DNAH2: variants seen among roughly 807,000 people sequenced by gnomAD.
The protein encoded by DNAH2 is axonemal beta dynein heavy chain 2.
A neutral mutation model predicts 523.5 loss-of-function variants in DNAH2; 323 were observed. The observed-to-expected ratio is 0.62, with a 90% confidence interval of 0.56 to 0.68. The LOEUF is 0.68. DNAH2 is among the 30% of genes least tolerant of loss of function. DNAH2 has a pLI of 0.00. For missense variants in DNAH2, 4,907 were observed against 5,701.5 expected, an observed-to-expected ratio of 0.86 and a Z score of 4.49; for synonymous variants, 2,093 against 2,177.4, an observed-to-expected ratio of 0.96 and a Z score of 1.08.
In DNAH2 at chr17:7,764,114, C is replaced by A. The variant is rs780781270; in HGVS notation, c.3180-3C>A. 1.5e-5 allele frequency: 24 copies of A among 1,614,118 alleles called. No homozygotes were observed. The highest frequency in any genetic ancestry group is 1.7e-5 in the Non-Finnish European group (20 of 1,180,056). On this transcript the variant is annotated splice_polypyrimidine_tract_variant and splice_region_variant and intron_variant, in intron 19 of 85. Coordinates refer to ENST00000572933, the MANE Select transcript of DNAH2 (RefSeq NM_020877.5). Reference sequence around the variant, plus strand: ...CACTAGCACTCCCTTTGCCCGCCTTCAGAATCAGCCGCCCTCCGCAGACAC... The same window carrying A: ...CACTAGCACTCCCTTTGCCCGCCTTAAGAATCAGCCGCCCTCCGCAGACAC...
At position 7,786,229 on chromosome 17, in the gene DNAH2, T is replaced by C. The variant is rs1316593008; in HGVS notation, c.6235T>C (p.Ser2079Pro). Residue 2079 changes from serine to proline, a missense_variant, in exon 40 of 86, where the codon TCC becomes CCC. By Grantham distance (74) the Ser-to-Pro change is moderately conservative. Transcript: ENST00000572933. This position sits in a 1 kb window ranked among gnomAD's most constrained non-coding sequence, Gnocchi z 7.5. ...GTATGAAACCAAGAACTCCCGCCAC[T>C]CCACCATGATCGTGGGCTGCACGGG... ...QLYETKNSRHSTMIVGCTGSG... is the reference protein window; with the variant it reads ...QLYETKNSRHPTMIVGCTGSG... 6.2e-7 allele frequency: 1 copy of C among 1,614,048 alleles called. No individual in the cohort carries two copies. Among genetic ancestry groups the C allele is most frequent in the Non-Finnish European group, 8.5e-7 (1 of 1,180,016 alleles).
Position 7,786,833 on chromosome 17 carries a change from A to G in DNAH2, c.6467-64A>G. The G allele has an allele frequency of 6.2e-7, 1 of 1,610,270 alleles. No individual in the cohort carries two copies. Among genetic ancestry groups the G allele is most frequent in the Non-Finnish European group, 8.5e-7 (1 of 1,177,118 alleles). ...GGAGTGTAGGCTTGTGTCTCCGAGG[A>G]GCGTGAGCGGAGGGTGCAAGGTGAG... On this transcript the variant is annotated intron_variant, in intron 41 of 85. Transcript: ENST00000572933. The surrounding 1 kb of genome is among the most constrained non-coding windows in gnomAD (Gnocchi z 7.5).
At chr17:7,721,334 C>T (rs536803532) in intron 2 of DNAH2, among the ~76,000 whole-genome samples, 52 of 152,158 alleles carry the variant, frequency 3.4e-4, no homozygotes, top group Non-Finnish European at 6.5e-4. Context: ...CCACCACACC[C>T]GGCTAATTTT....
At chr17:7,802,349 G>T (rs2077245840) in intron 58 of DNAH2, among the ~76,000 whole-genome samples, 1 of 152,112 alleles carries the variant, frequency 6.6e-6, no homozygotes, top group Non-Finnish European at 1.5e-5. Context: ...CTTTCTACCT[G>T]TATGAGATAG....
At chr17:7,724,511 C>T (rs1172065745) in intron 3 of DNAH2, among the ~76,000 whole-genome samples, 3 of 151,906 alleles carry the variant, frequency 2.0e-5, no homozygotes, top group Non-Finnish European at 4.4e-5. Context: ...CCCAGCTACT[C>T]GCCAGGCTGA....
At chr17:7,741,266 C>CTT (rs2075317101) in intron 11 of DNAH2, among the ~76,000 whole-genome samples, 1 of 47,054 alleles carries the variant, frequency 2.1e-5, no homozygotes, top group Non-Finnish European at 3.7e-5. Context: ...TTCTTTCTTT[C>CTT]TTTCTTTCTT....
chr17:7,771,703 GTTTA>G (rs1286071058), intron 28 of DNAH2, among the ~76,000 whole-genome samples: 1 of 152,032 alleles, frequency 6.6e-6, no homozygotes, highest in Non-Finnish European at 1.5e-5. Flanking sequence ...AGTCAGATGA[GTTTA>G]TTTATTTATT....
rs755146089 is a variant in DNAH2, at chr17:7,793,463, CTT to C, written c.7569+260_7569+261del. ...TTTCTTTCTTTTTCTTTCTTTCTTT[CTT>C]TCTTTCTTTCTTTCTTTCTTTCTTT... On this transcript the variant is annotated intron_variant, in intron 48 of 85. Coordinates refer to ENST00000572933, the MANE Select transcript of DNAH2 (RefSeq NM_020877.5). Among the ~76,000 whole-genome samples, 3 of 120,666 alleles carry C rather than the reference CTT, an allele frequency of 2.5e-5. 1 individual carries two copies. Among genetic ancestry groups the C allele is most frequent in the African/African-American group, 8.4e-5 (3 of 35,552 alleles). The allele number at this position is 120,666 out of a possible 152,430, so 79.2% of individuals were successfully genotyped here. A position where few individuals can be genotyped will look rare whatever the true frequency, so the allele number is the denominator to read the frequency against.
rs370943277 is a variant in DNAH2, at chr17:7,760,867, C to T, written c.2913C>T (p.Asp971=). Residue 971 remains aspartate (D), a synonymous_variant, in exon 18 of 86, where the codon GAC becomes GAT. Transcript: ENST00000572933. The surrounding 1 kb of genome is among the most constrained non-coding windows in gnomAD (Gnocchi z 4.0). ...MYREIWEINK[D]SFIHRYQRLN... ...GGGAGATCTGGGAGATCAACAAGGA[C>T]TCCTTCATTCATCGCTACCAGCGCC... is the stretch of plus-strand genomic sequence containing the variant. The T allele has an allele frequency of 1.5e-5, 24 of 1,614,108 alleles. No homozygotes were observed. Among genetic ancestry groups the T allele is most frequent in the African/African-American group, 2.7e-5 (2 of 74,932 alleles).
At position 7,786,514 on chromosome 17, in the gene DNAH2, A is replaced by G; in HGVS notation, c.6349-56A>G. 6.5e-7 allele frequency: 1 copy of G among 1,548,022 alleles called. No homozygotes were observed. Reference sequence around the variant, plus strand: ...GCACGTACCTAAGAGGGGTCTGGAAATAAAGAGGGGTTTTTGTCCATCAGC... The same window carrying G: ...GCACGTACCTAAGAGGGGTCTGGAAGTAAAGAGGGGTTTTTGTCCATCAGC... On this transcript the variant is annotated intron_variant, in intron 40 of 85. Coordinates refer to ENST00000572933, the MANE Select transcript of DNAH2 (RefSeq NM_020877.5). This position sits in a 1 kb window ranked among gnomAD's most constrained non-coding sequence, Gnocchi z 7.5.
At chr17:7,737,018 C>A in intron 7 of DNAH2, 49 bp from the exon 8 acceptor site, 1 of 1,457,676 alleles carries the variant, frequency 6.9e-7, no homozygotes, top group South Asian at 1.2e-5. Context: ...TGTGTTGAAT[C>A]AGTGCTTTCT....
intron 39 of DNAH2, among the ~76,000 whole-genome samples, chr17:7,784,542 C>T (rs1018067647): frequency 6.6e-6 from 1 of 152,128 alleles, no homozygotes. Context: ...GACCTCAACT[C>T]AACTCAATAA....
chr17:7,833,073 T>A lies in DNAH2; in HGVS notation c.12981T>A (p.Asp4327Glu). The A allele has an allele frequency of 6.2e-7, 1 of 1,613,476 alleles. No individual in the cohort carries two copies. The highest frequency in any genetic ancestry group is 8.5e-7 in the Non-Finnish European group (1 of 1,180,022). ...DDSNLVYPPK[D>E]GVWVRGLYLE... Reference sequence around the variant, plus strand: ...GACCTGCTCCCATTTCTCCCCAGGATGGTGTCTGGGTCCGGGGCCTGTACC... The same window carrying A: ...GACCTGCTCCCATTTCTCCCCAGGAAGGTGTCTGGGTCCGGGGCCTGTACC... The change falls in exon 85 of 86, where the codon GAT becomes GAA. Residue 4327 changes from aspartate (D) to glutamate (E), a missense_variant and splice_region_variant. By Grantham distance (45) the Asp-to-Glu change is conservative (BLOSUM62 2). Coordinates refer to ENST00000572933, the MANE Select transcript of DNAH2 (RefSeq NM_020877.5).
intron 20 of DNAH2, 109 bp from the exon 21 acceptor site, chr17:7,765,282 G>C (rs1381960445): frequency 2.3e-6 from 2 of 856,648 alleles, no homozygotes. Context: ...TCCTGCTCCT[G>C]GTCATCCTCC....
At position 7,821,785 on chromosome 17, in the gene DNAH2, C is replaced by T. The variant is rs546845732; in HGVS notation, c.11142+416C>T. On this transcript the variant is annotated intron_variant, in intron 73 of 85. Transcript: ENST00000572933. This position sits in a 1 kb window ranked among gnomAD's most constrained non-coding sequence, Gnocchi z 5.0. ...CAGCTCCTCTTCCCCTCTGTCCCTG[C>T]GCGGCCAGTGCACTGAGCATGGCCG... 3.9e-5 allele frequency among the ~76,000 whole-genome samples: 6 copies of T among 152,264 alleles called. No individual in the cohort carries two copies. The highest frequency in any genetic ancestry group is 4.4e-5 in the Non-Finnish European group (3 of 68,012).
rs1414492151 is a variant in DNAH2 at position 7,807,754 on chromosome 17, C to T, written c.9729+168C>T. Among the ~76,000 whole-genome samples the T allele has an allele frequency of 6.6e-6, 1 of 152,148 alleles. No individual in the cohort carries two copies. Among genetic ancestry groups the T allele is most frequent in the African/African-American group, 2.4e-5 (1 of 41,440 alleles). On this transcript the variant is annotated intron_variant, in intron 63 of 85. Coordinates refer to ENST00000572933, the MANE Select transcript of DNAH2 (RefSeq NM_020877.5). The surrounding 1 kb of genome is among the most constrained non-coding windows in gnomAD (Gnocchi z 5.6). ...GTGCCCTGTTTAGACTGGGCTGCCT[C>T]TGGCTCAGAAAGCTAAGTCAATTGC...
rs2077746666 is a variant in DNAH2 at position 7,818,399 on chromosome 17, C to T, written c.10475C>T (p.Pro3492Leu). The change falls in exon 69 of 86, where the codon CCC (proline) becomes CTC (leucine). Residue 3492 changes from proline (P) to leucine (L), a missense_variant. Pro to Leu is a moderately conservative substitution (Grantham distance 98). Coordinates refer to ENST00000572933, the MANE Select transcript of DNAH2 (RefSeq NM_020877.5). Reference protein sequence around the residue: ...RFYITTKLSNPHYSPETSAKT... With the variant: ...RFYITTKLSNLHYSPETSAKT... ...TACATCACCACCAAGCTCTCCAACC[C>T]CCACTACAGCCCAGAGACCTCAGCC... 3.1e-6 allele frequency: 5 copies of T among 1,614,094 alleles called. No homozygotes were observed. The highest frequency in any genetic ancestry group is 1.3e-5 in the African/African-American group (1 of 74,922).
At chr17:7,796,740 G>A (rs779429002) in intron 50 of DNAH2, 88 bp downstream of exon 50, 28 of 1,430,012 alleles carry the variant, frequency 2.0e-5, no homozygotes, top group East Asian at 4.7e-5. Context: ...ACACTCACTA[G>A]CATGCGCACC....
In DNAH2 at chr17:7,797,392, G is replaced by A; in HGVS notation, c.7950-8G>A. 1 of 1,614,042 alleles carries A rather than the reference G, an allele frequency of 6.2e-7. No individual in the cohort carries two copies. ...TTCCCCGATCTCACCCCAGTTCCCT[G>A]CCCACAGAGTCTTCTCTGACCGGCT... On this transcript the variant is annotated splice_region_variant and splice_polypyrimidine_tract_variant and intron_variant, in intron 51 of 85. Coordinates refer to ENST00000572933, the MANE Select transcript of DNAH2 (RefSeq NM_020877.5).
Sources: allele counts gnomAD v4.1 joint callset (sites outside exome capture counted in the v4.1 genomes callset), GRCh38; gene constraint gnomAD v4.1.1; non-coding constraint Gnocchi (gnomAD v3.1); transcripts MANE v1.5; gene names NCBI Gene and HGNC (gene_info 2026-07-23, HGNC 2026-07-21).